The following SOX5 variants were observed in gnomAD, a reference collection of about 807,000 sequenced individuals.
SOX5 encodes transcription factor SOX-5.
Under a neutral mutation model 92.0 loss-of-function variants are expected in SOX5, and 9 were observed. That is an observed-to-expected ratio of 0.10 (90% CI 0.06 to 0.17). SOX5 has a LOEUF of 0.17. Among genes scored for constraint, SOX5 ranks in the 10% least tolerant of loss-of-function variants. The probability of loss-of-function intolerance (pLI) is 1.00; values close to 1 mark genes in which losing one functional copy is unlikely to be tolerated. For missense variants in SOX5, 642 were observed against 944.5 expected (o/e 0.68, Z 4.20); for synonymous variants, 344 against 336.3 (o/e 1.02, Z -0.25).
chr12:24,354,438 T>A (rs1565971014), intron 2 of SOX5, among the ~76,000 whole-genome samples: 1 of 152,248 alleles, frequency 6.6e-6, no homozygotes, highest in Non-Finnish European at 1.5e-5. Context: ...ATTTAGGTCC[T>A]CAGCACAATG....
upstream of SOX5, among the ~76,000 whole-genome samples, chr12:23,954,950 T>C (rs112590173): frequency 6.6e-6 from 1 of 152,224 alleles, no homozygotes; most frequent in African/African-American, 2.4e-5. Flanking sequence ...AATAAAAGCT[T>C]TTATTTTATG....
chr12:23,715,176 G>A (rs1167135616), intron 6 of SOX5, among the ~76,000 whole-genome samples: 1 of 152,044 alleles, frequency 6.6e-6, no homozygotes, highest in East Asian at 1.9e-4. Context: ...GCGGGCGCCT[G>A]TAGTCCCAGC....
intron 4 of SOX5, among the ~76,000 whole-genome samples, chr12:23,750,793 T>C (rs1041434344): frequency 3.3e-5 from 5 of 151,876 alleles, no homozygotes; most frequent in African/African-American, 1.2e-4. Context: ...GTACAAAGTA[T>C]ATAAAATTTC....
chr12:24,484,289 C>T (rs1597191685), intron 1 of SOX5, among the ~76,000 whole-genome samples: 2 of 152,214 alleles, frequency 1.3e-5, no homozygotes, highest in Admixed American at 1.3e-4. Context: ...AAGACTTTCC[C>T]CTCTTCTTAA....
At chr12:24,473,011 T>C (rs1944971499) in intron 1 of SOX5, among the ~76,000 whole-genome samples, 1 of 152,086 alleles carries the variant, frequency 6.6e-6, no homozygotes, top group Non-Finnish European at 1.5e-5. Flanking sequence ...CCTCTACAAA[T>C]AATTTTTCCC....
chr12:24,305,374 G>C (rs994155740), intron 2 of SOX5, among the ~76,000 whole-genome samples: 6 of 152,124 alleles, frequency 3.9e-5, no homozygotes, highest in African/African-American at 1.4e-4. Context: ...GATTCTGTTG[G>C]ACAGCTTGTC....
intron 11 of SOX5, among the ~76,000 whole-genome samples, chr12:23,559,059 G>C (rs1030620424): frequency 1.3e-5 from 2 of 152,114 alleles, no homozygotes; most frequent in Non-Finnish European, 2.9e-5. Flanking sequence ...TTCTCATTTC[G>C]GCTGAGTGCA....
intron 1 of SOX5, among the ~76,000 whole-genome samples, chr12:24,543,139 T>C (rs1952298387): frequency 6.6e-6 from 1 of 152,194 alleles, no homozygotes; most frequent in Admixed American, 6.5e-5. Flanking sequence ...ACAGTCCAGC[T>C]ACCACTCACA....
intron 1 of SOX5, among the ~76,000 whole-genome samples, chr12:24,427,281 A>G (rs1007668511): frequency 2.0e-5 from 3 of 152,214 alleles, no homozygotes; most frequent in African/African-American, 7.2e-5. Flanking sequence ...TTCCCCCTAC[A>G]GCACCAAGAA....
At chr12:23,944,805 G>A (rs1463376301) in intron 1 of SOX5, among the ~76,000 whole-genome samples, 2 of 152,112 alleles carry the variant, frequency 1.3e-5, no homozygotes, top group Non-Finnish European at 2.9e-5. Context: ...GATATTTCAT[G>A]GTTGGGTTAA....
chr12:23,812,009 G>A (rs919647126), intron 3 of SOX5, among the ~76,000 whole-genome samples: 1 of 151,970 alleles, frequency 6.6e-6, no homozygotes, highest in African/African-American at 2.4e-5. Flanking sequence ...ATAGTAAGTA[G>A]TCACTGTAGT....
intron 3 of SOX5, among the ~76,000 whole-genome samples, chr12:24,251,585 TC>T (rs1481306082): frequency 1.3e-5 from 2 of 151,514 alleles, no homozygotes; most frequent in Non-Finnish European, 2.9e-5. Context: ...TTTTTTTTTT[TC>T]TTCAGATGAA....
chr12:23,660,878 T>C (rs1211841934), intron 7 of SOX5, among the ~76,000 whole-genome samples: 1 of 152,228 alleles, frequency 6.6e-6, no homozygotes, highest in Non-Finnish European at 1.5e-5. Context: ...TTATCTATGA[T>C]AGTTCACATA....
At chr12:24,028,656 G>A (rs768953099) in intron 4 of SOX5, among the ~76,000 whole-genome samples, 1 of 151,906 alleles carries the variant, frequency 6.6e-6, no homozygotes, top group African/African-American at 2.4e-5. Context: ...GACAATAAAA[G>A]TAAAATCCCC....
chr12:23,893,410 C>A (rs531740787), intron 2 of SOX5, among the ~76,000 whole-genome samples: 11 of 151,932 alleles, frequency 7.2e-5, no homozygotes, highest in African/African-American at 2.7e-4. Flanking sequence ...CGCGCCACTG[C>A]TCTCCAGCCT....
intron 3 of SOX5, among the ~76,000 whole-genome samples, chr12:23,783,030 A>G (rs2095312751): frequency 6.6e-6 from 1 of 152,176 alleles, no homozygotes. Flanking sequence ...CTCCTTTCTT[A>G]GACACTTTTT....
At chr12:24,470,381 A>G (rs1164613319) in intron 1 of SOX5, among the ~76,000 whole-genome samples, 1 of 152,222 alleles carries the variant, frequency 6.6e-6, no homozygotes, top group Non-Finnish European at 1.5e-5. Flanking sequence ...TATAATCAAG[A>G]GAAGTAAATT....
At chr12:24,198,033 C>T (rs1185691353) in intron 4 of SOX5, among the ~76,000 whole-genome samples, 2 of 152,160 alleles carry the variant, frequency 1.3e-5, no homozygotes, top group Non-Finnish European at 2.9e-5. Flanking sequence ...TGATAATTAA[C>T]AAACTCCATC....
chr12:23,923,960 T>C (rs1057203675), intron 1 of SOX5, among the ~76,000 whole-genome samples: 1 of 152,224 alleles, frequency 6.6e-6, no homozygotes, highest in Non-Finnish European at 1.5e-5. Flanking sequence ...TTTATGGATA[T>C]CTACTGCAGT....
Sources: allele counts gnomAD v4.1 joint callset (sites outside exome capture counted in the v4.1 genomes callset), GRCh38; gene constraint gnomAD v4.1.1; transcripts MANE v1.5; gene names NCBI Gene and HGNC (gene_info 2026-07-23, HGNC 2026-07-21).